SNX25: variants seen among roughly 807,000 people sequenced by gnomAD.
The protein encoded by SNX25 is sorting nexin 25, also known as sorting nexin-25.
In SNX25, 62 loss-of-function variants were observed where a neutral mutation model predicts 113.7. The ratio of observed to expected loss-of-function variants is 0.55; its 90% CI spans 0.44 to 0.67. The LOEUF (loss-of-function observed/expected upper bound fraction) is 0.67. Among genes scored for constraint, SNX25 ranks in the 30% least tolerant of loss-of-function variants. The pLI is 0.00. For missense variants in SNX25, 1,014 were observed against 1,161.0 expected (o/e 0.87, Z 1.84); for synonymous variants, 421 against 436.2 (o/e 0.97, Z 0.43).
upstream of SNX25, chr4:185,209,457 G>A (rs1358601254): frequency 6.6e-6 from 1 of 152,264 alleles, no homozygotes; most frequent in Non-Finnish European, 1.5e-5. The surrounding 1 kb of genome is among the most constrained non-coding windows in gnomAD (Gnocchi z 5.2). Context: ...CTCTCCCCGT[G>A]GGGCCCCGGC....
rs112207273 is a variant in SNX25, at chr4:185,222,873, C to A, written c.429+12618C>A. 3.3e-3 allele frequency among the ~76,000 whole-genome samples: 499 copies of A among 152,208 alleles called. 1 individual carries two copies. Among genetic ancestry groups the A allele is most frequent in the African/African-American group, 0.012 (481 of 41,542 alleles). On this transcript the variant is annotated intron_variant, in intron 1 of 18. Coordinates refer to ENST00000652585, the MANE Select transcript of SNX25 (RefSeq NM_001378034.2). ...GGCAGCTTGCTTAAGGGAGAAGTCT[C>A]TTCATCTGAAAAAAGGATATAATAA...
chr4:185,369,977 T>C (rs562220135), exon 12 of SNX25: 22 of 234,246 alleles, frequency 9.4e-5, no homozygotes, highest in African/African-American at 4.6e-4. Flanking sequence ...TCTGCTATGA[T>C]GTAATTCTGA....
intron 1 of SNX25, among the ~76,000 whole-genome samples, chr4:185,226,849 T>TTA (rs1741073120): frequency 6.6e-6 from 1 of 151,980 alleles, no homozygotes; most frequent in African/African-American, 2.4e-5. Context: ...TTTAATCCAA[T>TTA]GTTTTGTAAA....
chr4:185,260,981 A>G (rs1175303791), intron 3 of SNX25, among the ~76,000 whole-genome samples: 1 of 152,092 alleles, frequency 6.6e-6, no homozygotes, highest in African/African-American at 2.4e-5. Context: ...GCTATCCGTT[A>G]TTTCAAGTGT....
intron 7 of SNX25, among the ~76,000 whole-genome samples, chr4:185,317,601 G>T (rs2095084587): frequency 6.6e-6 from 1 of 152,190 alleles, no homozygotes; most frequent in Non-Finnish European, 1.5e-5. Context: ...ACTGGAAGAA[G>T]AAAATGTGGC....
chr4:185,335,547 C>G (rs772232167), intron 10 of SNX25, among the ~76,000 whole-genome samples: 11 of 152,174 alleles, frequency 7.2e-5, no homozygotes, highest in Non-Finnish European at 1.3e-4. Flanking sequence ...CAGTGGTTTG[C>G]TTAACCCTTC....
At chr4:185,222,393 A>G (rs1360534783) in intron 1 of SNX25, among the ~76,000 whole-genome samples, 1 of 150,912 alleles carries the variant, frequency 6.6e-6, no homozygotes, top group Admixed American at 6.6e-5. Flanking sequence ...CGGTAGGTAT[A>G]CAGCGCCCTA....
At chr4:185,215,768 A>G (rs200254989) in intron 1 of SNX25, among the ~76,000 whole-genome samples, 2 of 151,730 alleles carry the variant, frequency 1.3e-5, no homozygotes, top group East Asian at 1.9e-4. Context: ...TATCTGTGGT[A>G]TAAGCGTTGT....
chr4:185,377,439 C>G, the SNX25 span: 1 of 164,228 alleles, frequency 6.1e-6, no homozygotes, highest in Non-Finnish European at 1.3e-5. Context: ...AATAGCTTGA[C>G]CCCAGGAGGC....
At position 185,279,905 on chromosome 4, in the gene SNX25, G is replaced by A. The variant is rs538149513; in HGVS notation, c.1092-8107G>A. 2.0e-5 allele frequency among the ~76,000 whole-genome samples: 3 copies of A among 151,754 alleles called. No individual in the cohort carries two copies. The South Asian group carries it at 6.3e-4, about 32-fold the overall frequency. ...TTGTTGTTGTTTTGTTGTTTTTTTTGTTTGCTTGTTTCTGTGCTTTGTTTT... is the reference window on the plus strand; with the variant it reads ...TTGTTGTTGTTTTGTTGTTTTTTTTATTTGCTTGTTTCTGTGCTTTGTTTT... On this transcript the variant is annotated intron_variant, in intron 5 of 18. Transcript: ENST00000652585.
At chr4:185,253,226 A>G (rs1745921211) in intron 2 of SNX25, among the ~76,000 whole-genome samples, 1 of 152,142 alleles carries the variant, frequency 6.6e-6, no homozygotes, top group Non-Finnish European at 1.5e-5. Flanking sequence ...TGGTGTGTTC[A>G]ATGTTAAATT....
At chr4:185,296,630 TA>T (rs534471411) in intron 6 of SNX25, among the ~76,000 whole-genome samples, 228 of 151,020 alleles carry the variant, frequency 1.5e-3, no homozygotes, top group African/African-American at 4.8e-3. Context: ...ATCATAGAAC[TA>T]AAAAAAAAAT....
chr4:185,351,369 G>A (rs546602302), intron 13 of SNX25, 76 bp from the exon 14 acceptor site: 5 of 1,482,822 alleles, frequency 3.4e-6, no homozygotes, highest in East Asian at 4.6e-5. Context: ...GCTCTGCCTC[G>A]CTCACCTTTA....
intron 11 of SNX25, among the ~76,000 whole-genome samples, chr4:185,369,108 T>C (rs934168300): frequency 2.0e-5 from 3 of 152,056 alleles, no homozygotes; most frequent in Admixed American, 2.0e-4. Context: ...TTTGTTGTTC[T>C]AGTCAGGATG....
At chr4:185,314,324 C>CAAAAAAAAAAAAAAAA (rs35324892) in intron 7 of SNX25, among the ~76,000 whole-genome samples, 1 of 75,376 alleles carries the variant, frequency 1.3e-5, no homozygotes, top group Admixed American at 1.7e-4. Context: ...CCCCTCTCTA[C>CAAAAAAAAAAAAAAAA]AAAAAAAAAA....
At chr4:185,313,515 C>T (rs1239325564) in intron 7 of SNX25, among the ~76,000 whole-genome samples, 1 of 152,050 alleles carries the variant, frequency 6.6e-6, no homozygotes, top group Admixed American at 6.6e-5. Context: ...CTGGAAAATT[C>T]CCAAATATTT....
chr4:185,320,575 TAAATAAATA>T (rs2095112290), intron 7 of SNX25, among the ~76,000 whole-genome samples, 149 bp from the exon 8 acceptor site: 1 of 141,496 alleles, frequency 7.1e-6, no homozygotes, highest in African/African-American at 2.8e-5. Flanking sequence ...TACATTTACT[TAAATAAATA>T]AATAGTAAAT....
intron 2 of SNX25, among the ~76,000 whole-genome samples, chr4:185,256,259 C>A (rs1440627425): frequency 6.6e-6 from 1 of 152,142 alleles, no homozygotes; most frequent in Non-Finnish European, 1.5e-5. Flanking sequence ...TATCTTATCC[C>A]TACAACTGAG....
At chr4:185,290,971 A>G (rs954515532) in intron 6 of SNX25, among the ~76,000 whole-genome samples, 4 of 152,200 alleles carry the variant, frequency 2.6e-5, no homozygotes, top group East Asian at 1.9e-4. Flanking sequence ...AGAAAGAACA[A>G]TGGTTAGTGC....
Sources: allele counts gnomAD v4.1 joint callset (sites outside exome capture counted in the v4.1 genomes callset), GRCh38; gene constraint gnomAD v4.1.1; non-coding constraint Gnocchi (gnomAD v3.1); transcripts MANE v1.5; gene names NCBI Gene and HGNC (gene_info 2026-07-23, HGNC 2026-07-21).